NPBWR2: variants seen among roughly 807,000 people sequenced by gnomAD.
NPBWR2 encodes the protein neuropeptides B/W receptor type 2.
For missense variants in NPBWR2, 390 were observed against 458.2 expected (o/e 0.85, Z 1.36); for synonymous variants, 207 against 223.5 (o/e 0.93, Z 0.66).
rs1399389731 is a variant in NPBWR2 at position 64,105,576 on chromosome 20, G to A, written c.*254C>T. Among the ~76,000 whole-genome samples, 2 of 5,302 alleles carry A rather than the reference G, an allele frequency of 3.8e-4. No individual in the cohort carries two copies. Among genetic ancestry groups the A allele is most frequent in the African/African-American group, 1.6e-3 (2 of 1,222 alleles). 3.5% of individuals were successfully genotyped at this position (5,302 alleles called of 152,430 possible). Reference sequence around the variant, plus strand: ...GGGGGTGGGCGTGATGATGGGGGTGGGGGTGGGGGTGGGGGTGATGGTGGG... The same window carrying A: ...GGGGGTGGGCGTGATGATGGGGGTGAGGGTGGGGGTGGGGGTGATGGTGGG... On this transcript the variant is annotated 3_prime_UTR_variant, in exon 2 of 2. Transcript: ENST00000684052.
At position 64,105,815 on chromosome 20, in the gene NPBWR2, T is replaced by TGATAGGGGTGGTGGTGGG. The variant is rs752859700; in HGVS notation, c.*14_*15insCCCACCACCACCCCTATC. 6.9e-7 allele frequency: 1 copy of TGATAGGGGTGGTGGTGGG among 1,449,034 alleles called. No individual in the cohort carries two copies. Among genetic ancestry groups the TGATAGGGGTGGTGGTGGG allele is most frequent in the African/African-American group, 1.4e-5 (1 of 69,754 alleles). 89.8% of individuals were successfully genotyped at this position (1,449,034 alleles called of 1,614,324 possible). On this transcript the variant is annotated 3_prime_UTR_variant, in exon 2 of 2. Coordinates refer to ENST00000684052, the MANE Select transcript of NPBWR2 (RefSeq NM_005286.4). ...ATGATGGGCATGATGATGGGGGTGA[T>TGATAGGGGTGGTGGTGGG]GGTGCCCAGGCCCTTCAGCACCGCA...
rs1374756804 is a variant in NPBWR2, at chr20:64,104,756, T to C, written c.*1074A>G. Among the ~76,000 whole-genome samples the C allele has an allele frequency of 1.8e-4, 13 of 71,550 alleles. No individual in the cohort carries two copies. Among genetic ancestry groups the C allele is most frequent in the Admixed American group, 5.2e-4 (3 of 5,782 alleles). 46.9% of individuals were successfully genotyped at this position (71,550 alleles called of 152,430 possible). A position where few individuals can be genotyped will look rare whatever the true frequency, so the allele number is the denominator to read the frequency against. ...GGGGAGCACAGGCCATGGTGAGGAC[T>C]GTCGGCCACAGCAGGGGGGCACAGG... On this transcript the variant is annotated 3_prime_UTR_variant, in exon 2 of 2. Transcript: ENST00000684052.
At position 64,105,918 on chromosome 20, in the gene NPBWR2, C is replaced by T; in HGVS notation, c.914G>A (p.Ser305Asn). Reference sequence around the variant, plus strand: ...GGGGTTCAGGCACGAGTTGGCGTAGCTGAGGCTGGTGATGACGTAGGACAT... The same window carrying T: ...GGGGTTCAGGCACGAGTTGGCGTAGTTGAGGCTGGTGATGACGTAGGACAT... ...ISMSYVITSLSYANSCLNPFL... is the reference protein window; with the variant it reads ...ISMSYVITSLNYANSCLNPFL... Residue 305 changes from serine to asparagine, a missense_variant, in exon 2 of 2, where the codon AGC becomes AAC. Ser to Asn is a conservative substitution (Grantham distance 46). Transcript: ENST00000684052. 1 of 1,612,106 alleles carries T rather than the reference C, an allele frequency of 6.2e-7. No homozygotes were observed. Among genetic ancestry groups the T allele is most frequent in the Non-Finnish European group, 8.5e-7 (1 of 1,179,512 alleles).
Position 64,106,007 on chromosome 20 carries a change from G to A in NPBWR2, c.825C>T (p.Pro275=). The part of the protein sequence containing the change: ...VLAVCLLCWT[P]FHLASVVALT... ...GGGCCACGACAGAGGCCAGGTGGAA[G>A]GGCGTCCAGCAGAGGAGGCACACGG... The change falls in exon 2 of 2, where the codon CCC becomes CCT. Residue 275 remains proline (P), a synonymous_variant. Coordinates refer to ENST00000684052, the MANE Select transcript of NPBWR2 (RefSeq NM_005286.4). This position sits in a 1 kb window ranked among gnomAD's most constrained non-coding sequence, Gnocchi z 9.5. 6.2e-7 allele frequency: 1 copy of A among 1,612,216 alleles called. No individual in the cohort carries two copies. Among genetic ancestry groups the A allele is most frequent in the Non-Finnish European group, 8.5e-7 (1 of 1,179,840 alleles).
chr20:64,107,553 C>G lies in NPBWR2; in HGVS notation c.-281G>C, dbSNP rs1402030228. On this transcript the variant is annotated 5_prime_UTR_variant, in exon 1 of 2. Coordinates refer to ENST00000684052, the MANE Select transcript of NPBWR2 (RefSeq NM_005286.4). This position sits in a 1 kb window ranked among gnomAD's most constrained non-coding sequence, Gnocchi z 6.3. ...GGCTGCGAGGTTCCCAGCCTGGTGTCAGTGCTGATGCTGGTGAGGGAGGGA... is the reference window on the plus strand; with the variant it reads ...GGCTGCGAGGTTCCCAGCCTGGTGTGAGTGCTGATGCTGGTGAGGGAGGGA... Among the ~76,000 whole-genome samples the G allele has an allele frequency of 1.3e-5, 2 of 152,212 alleles. No homozygotes were observed. The highest frequency in any genetic ancestry group is 2.9e-5 in the Non-Finnish European group (2 of 68,030).
At position 64,107,515 on chromosome 20, in the gene NPBWR2, C is replaced by T. The variant is rs1235156307; in HGVS notation, c.-243G>A. 2.6e-5 allele frequency among the ~76,000 whole-genome samples: 4 copies of T among 152,222 alleles called. No individual in the cohort carries two copies. Among genetic ancestry groups the T allele is most frequent in the African/African-American group, 9.7e-5 (4 of 41,450 alleles). ...GGAGTTTCAAGACCTGCCCTGCTGG[C>T]TGCCTCAGCCCCGGCTGCGAGGTTC... On this transcript the variant is annotated 5_prime_UTR_variant, in exon 1 of 2. Transcript: ENST00000684052. This position sits in a 1 kb window ranked among gnomAD's most constrained non-coding sequence, Gnocchi z 6.3.
rs1234165951 is a variant in NPBWR2, at chr20:64,105,715, T to G, written c.*115A>C. 19 of 294,540 alleles carry G rather than the reference T, an allele frequency of 6.5e-5. No individual in the cohort carries two copies. The highest frequency in any genetic ancestry group is 1.1e-4 in the African/African-American group (1 of 8,776). 18.2% of individuals were successfully genotyped at this position (294,540 alleles called of 1,614,324 possible). On this transcript the variant is annotated 3_prime_UTR_variant, in exon 2 of 2. Transcript: ENST00000684052. ...GTGGTGGGGGTGATGGTGGGGGTGGTGGTGGGGGTGGGGGGGGGTGGGCCT... is the reference window on the plus strand; with the variant it reads ...GTGGTGGGGGTGATGGTGGGGGTGGGGGTGGGGGTGGGGGGGGGTGGGCCT...
In NPBWR2 at chr20:64,105,917, G is replaced by A. The variant is rs563635461; in HGVS notation, c.915C>T (p.Ser305=). 68 of 1,611,060 alleles carry A rather than the reference G, an allele frequency of 4.2e-5. 1 individual carries two copies. The South Asian group carries it at 6.7e-4, about 16-fold the overall frequency. The change falls in exon 2 of 2, where the codon AGC becomes AGT. Residue 305 remains serine, a synonymous_variant. Coordinates refer to ENST00000684052, the MANE Select transcript of NPBWR2 (RefSeq NM_005286.4). ...ISMSYVITSL[S]YANSCLNPFL... is the part of the protein sequence containing the mutation. ...AGGGGTTCAGGCACGAGTTGGCGTA[G>A]CTGAGGCTGGTGATGACGTAGGACA...
In NPBWR2 at chr20:64,106,915, G is replaced by C. The variant is rs1042147042; in HGVS notation, c.-84C>G. ...GGTATCTGGTTGGGGGCCTCCTTGG[G>C]CTGGATTCTAGGAAAGAAAAACAAC... On this transcript the variant is annotated 5_prime_UTR_variant, in exon 2 of 2. Transcript: ENST00000684052. This position sits in a 1 kb window ranked among gnomAD's most constrained non-coding sequence, Gnocchi z 9.5. The C allele has an allele frequency of 3.4e-6, 5 of 1,491,298 alleles. No homozygotes were observed. Among genetic ancestry groups the C allele is most frequent in the Middle Eastern group, 2.5e-4 (1 of 4,002 alleles). 92.4% of individuals were successfully genotyped at this position (1,491,298 alleles called of 1,614,324 possible).
In NPBWR2 at chr20:64,106,490, C is replaced by T. The variant is rs199847009; in HGVS notation, c.342G>A (p.Glu114=). The change falls in exon 2 of 2, where the codon GAG becomes GAA. Residue 114 remains glutamate, a synonymous_variant. Transcript: ENST00000684052. The surrounding 1 kb of genome is among the most constrained non-coding windows in gnomAD (Gnocchi z 9.5). The part of the protein sequence containing the change: ...EHLLQYWPFG[E]LLCKLVLAVD... ...CGGCCAGCACCAGCTTGCAGAGCAG[C>T]TCCCCGAAGGGCCAGTACTGCAGCA... 4.9e-5 allele frequency: 79 copies of T among 1,612,558 alleles called. No individual in the cohort carries two copies. The highest frequency in any genetic ancestry group is 6.1e-5 in the Non-Finnish European group (72 of 1,180,030).
In NPBWR2 at chr20:64,106,215, T is replaced by C. The variant is rs4809401; in HGVS notation, c.617A>G (p.Gln206Arg). The change falls in exon 2 of 2, where the codon CAG (glutamine) becomes CGG (arginine). Residue 206 changes from glutamine to arginine, a missense_variant. By Grantham distance (43) the Gln-to-Arg change is conservative (BLOSUM62 1). Coordinates refer to ENST00000684052, the MANE Select transcript of NPBWR2 (RefSeq NM_005286.4). This position sits in a 1 kb window ranked among gnomAD's most constrained non-coding sequence, Gnocchi z 9.5. ...GACACGGCTGGCCTTGAACCAGACC[T>C]GCTCGGGCCACGGGAAGCTCAGCCC... The part of the protein sequence containing the change: ...SCGLSFPWPE[Q>R]VWFKASRVYT... 188,744 of 1,612,548 alleles carry C rather than the reference T, an allele frequency of 0.12. 11,697 individuals are homozygous for C. Among genetic ancestry groups the C allele is most frequent in the Non-Finnish European group, 0.13 (147,531 of 1,179,880 alleles).
Position 64,105,610 on chromosome 20 carries a change from T to TGGGGGG in NPBWR2, c.*219_*220insCCCCCC, listed in dbSNP as rs1282598009. 7.7e-4 allele frequency among the ~76,000 whole-genome samples: 1 copy of TGGGGGG among 1,306 alleles called. No individual in the cohort carries two copies. The highest frequency in any genetic ancestry group is 0.01 in the Admixed American group (1 of 98). The allele number at this position is 1,306 out of a possible 152,430, so 0.9% of individuals were successfully genotyped here. On this transcript the variant is annotated 3_prime_UTR_variant, in exon 2 of 2. Coordinates refer to ENST00000684052, the MANE Select transcript of NPBWR2 (RefSeq NM_005286.4). ...GTGGGGGTGATGGTGGGCGTGATGGTGGGGGTGGGGGTGATGGGGGTGGGC... is the reference window on the plus strand; with the variant it reads ...GTGGGGGTGATGGTGGGCGTGATGGTGGGGGGGGGGGTGGGGGTGATGGGGGTGGGC...
Position 64,105,754 on chromosome 20 carries a change from GCATGA to G in NPBWR2, c.*71_*75del. 3.7e-6 allele frequency: 4 copies of G among 1,073,420 alleles called. No individual in the cohort carries two copies. Among genetic ancestry groups the G allele is most frequent in the Non-Finnish European group, 5.1e-6 (4 of 781,340 alleles). The allele number at this position is 1,073,420 out of a possible 1,614,324, so 66.5% of individuals were successfully genotyped here. A position where few individuals can be genotyped will look rare whatever the true frequency, so the allele number is the denominator to read the frequency against. On this transcript the variant is annotated 3_prime_UTR_variant, in exon 2 of 2. Transcript: ENST00000684052. Reference sequence around the variant, plus strand: ...GGGGGTGGGCCTGATGGGGGTGTGGGCATGATGATGATGGGCGTGATGATGATGGG... The same window carrying G: ...GGGGGTGGGCCTGATGGGGGTGTGGGTGATGATGGGCGTGATGATGATGGG...
chr20:64,107,070 T>A lies in NPBWR2; in HGVS notation c.-91-148A>T. 2 of 602,616 alleles carry A rather than the reference T, an allele frequency of 3.3e-6. No individual in the cohort carries two copies. Among genetic ancestry groups the A allele is most frequent in the Non-Finnish European group, 6.0e-6 (2 of 331,592 alleles). 37.3% of individuals were successfully genotyped at this position (602,616 alleles called of 1,614,324 possible). ...CCTGGTGGGGTGTGTGGGGGCCTCCTCCCGCCTCTTCCTGGTGAGACTTCA... is the reference window on the plus strand; with the variant it reads ...CCTGGTGGGGTGTGTGGGGGCCTCCACCCGCCTCTTCCTGGTGAGACTTCA... On this transcript the variant is annotated intron_variant, in intron 1 of 1. Transcript: ENST00000684052. The surrounding 1 kb of genome is among the most constrained non-coding windows in gnomAD (Gnocchi z 6.3).
rs754263216 is a variant in NPBWR2 at position 64,105,817 on chromosome 20, G to C, written c.*13C>G. 5 of 1,351,530 alleles carry C rather than the reference G, an allele frequency of 3.7e-6. No homozygotes were observed. The Admixed American group carries it at 7.8e-5, about 21-fold the overall frequency. The allele number at this position is 1,351,530 out of a possible 1,614,324, so 83.7% of individuals were successfully genotyped here. A position where few individuals can be genotyped will look rare whatever the true frequency, so the allele number is the denominator to read the frequency against. ...GATGGGCATGATGATGGGGGTGATG[G>C]TGCCCAGGCCCTTCAGCACCGCAAT... On this transcript the variant is annotated 3_prime_UTR_variant, in exon 2 of 2. Coordinates refer to ENST00000684052, the MANE Select transcript of NPBWR2 (RefSeq NM_005286.4).
rs1325521754 is a variant in NPBWR2 at position 64,105,642 on chromosome 20, G to A, written c.*188C>T. 2.3e-5 allele frequency among the ~76,000 whole-genome samples: 1 copy of A among 43,424 alleles called. No individual in the cohort carries two copies. The highest frequency in any genetic ancestry group is 1.1e-4 in the African/African-American group (1 of 9,128). 28.5% of individuals were successfully genotyped at this position (43,424 alleles called of 152,430 possible). The stretch of plus-strand genomic sequence containing the variant: ...GGGGGTGATGGGGGTGGGCGTGATG[G>A]TGGATGTGATGGGGGTGGGCATGAT... On this transcript the variant is annotated 3_prime_UTR_variant, in exon 2 of 2. Coordinates refer to ENST00000684052, the MANE Select transcript of NPBWR2 (RefSeq NM_005286.4).
In NPBWR2 at chr20:64,106,562, G is replaced by A. The variant is rs746990677; in HGVS notation, c.270C>T (p.Ala90=). Residue 90 remains alanine (A), a synonymous_variant, in exon 2 of 2, where the codon GCC becomes GCT. Transcript: ENST00000684052. This position sits in a 1 kb window ranked among gnomAD's most constrained non-coding sequence, Gnocchi z 9.5. Reference sequence around the variant, plus strand: ...GCAGTACCAGCGTGAAGAGCCCGTCGGCGACGGCCAGGTTCAGGATGAACA... The same window carrying A: ...GCAGTACCAGCGTGAAGAGCCCGTCAGCGACGGCCAGGTTCAGGATGAACA... ...TNVFILNLAV[A]DGLFTLVLPV... is the part of the protein sequence containing the mutation. The A allele has an allele frequency of 1.3e-5, 21 of 1,611,730 alleles. No individual in the cohort carries two copies. Among genetic ancestry groups the A allele is most frequent in the South Asian group, 8.8e-5 (8 of 91,074 alleles).
chr20:64,107,211 G>C lies in NPBWR2; in HGVS notation c.-92+153C>G, dbSNP rs1218962233. 1 of 287,326 alleles carries C rather than the reference G, an allele frequency of 3.5e-6. No individual in the cohort carries two copies. The highest frequency in any genetic ancestry group is 7.2e-5 in the East Asian group (1 of 13,812). The allele number at this position is 287,326 out of a possible 1,614,324, so 17.8% of individuals were successfully genotyped here. A position where few individuals can be genotyped will look rare whatever the true frequency, so the allele number is the denominator to read the frequency against. ...ATGCACGGGCTGCGTAGAATCAAGC[G>C]GTCCCTTTGGAAACACACCTCCCAA... On this transcript the variant is annotated intron_variant, in intron 1 of 1. Transcript: ENST00000684052. The surrounding 1 kb of genome is among the most constrained non-coding windows in gnomAD (Gnocchi z 6.3).
chr20:64,107,190 A>G lies in NPBWR2; in HGVS notation c.-92+174T>C. ...CCCTGCCCCAGCAACCCGCAGATGC[A>G]CGGGCTGCGTAGAATCAAGCGGTCC... is the stretch of plus-strand genomic sequence containing the variant. On this transcript the variant is annotated intron_variant, in intron 1 of 1. Coordinates refer to ENST00000684052, the MANE Select transcript of NPBWR2 (RefSeq NM_005286.4). The surrounding 1 kb of genome is among the most constrained non-coding windows in gnomAD (Gnocchi z 6.3). 2.8e-6 allele frequency: 1 copy of G among 363,176 alleles called. No individual in the cohort carries two copies. The highest frequency in any genetic ancestry group is 5.3e-5 in the East Asian group (1 of 18,774). 22.5% of individuals were successfully genotyped at this position (363,176 alleles called of 1,614,324 possible).
Sources: gnomAD v4.1 joint callset for allele counts (sites outside exome capture counted in the v4.1 genomes callset) on GRCh38, gnomAD v4.1.1 for gene constraint, Gnocchi (gnomAD v3.1) non-coding constraint, MANE v1.5 for transcripts, NCBI Gene and HGNC (gene_info 2026-07-23, HGNC 2026-07-21) for gene names.